LARP1B: variants seen among roughly 807,000 people sequenced by gnomAD.
The protein encoded by LARP1B is La ribonucleoprotein 1B.
A neutral mutation model predicts 114.2 loss-of-function variants in LARP1B; 76 were observed. The observed-to-expected ratio is 0.67, with a 90% CI of 0.55 to 0.81. The LOEUF (loss-of-function observed/expected upper bound fraction) is 0.81, where lower values mean the gene tolerates loss of function less well. Among genes scored for constraint, LARP1B ranks in the 30% least tolerant of loss-of-function variants. The pLI is 0.00. For missense variants in LARP1B, 1,014 were observed against 1,075.8 expected (o/e 0.94, Z 0.80); for synonymous variants, 345 against 348.0 (o/e 0.99, Z 0.10).
intron 15 of LARP1B, among the ~76,000 whole-genome samples, chr4:128,181,180 C>CTTTTTTTTT (rs70966086): frequency 3.1e-5 from 4 of 130,002 alleles, no homozygotes; most frequent in Non-Finnish European, 1.7e-5. Flanking sequence ...CTCATCCATT[C>CTTTTTTTTT]TTTTTTTTTT....
At chr4:128,107,931 T>C in intron 9 of LARP1B, 1 of 1,535,830 alleles carries the variant, frequency 6.5e-7, no homozygotes, top group Non-Finnish European at 8.7e-7. Flanking sequence ...GATCGGAATA[T>C]GCAGTGGAAT....
At position 128,200,606 on chromosome 4, in the gene LARP1B, T is replaced by TA; in HGVS notation, c.2257dup (p.Met753AsnfsTer3). 1 of 1,594,970 alleles carries TA rather than the reference T, an allele frequency of 6.3e-7. No individual in the cohort carries two copies. The highest frequency in any genetic ancestry group is 8.5e-7 in the Non-Finnish European group (1 of 1,170,956). ...CCTTTTTCCTCAGAGATCACTTCAA[T>TA]AAAAAAATGTATGAGGAATTTAGAC... On this transcript the variant is annotated frameshift_variant, in exon 17 of 20. Transcript: ENST00000326639. LOFTEE classifies it high-confidence loss of function.
intron 4 of LARP1B, among the ~76,000 whole-genome samples, chr4:128,079,036 A>T (rs937979098): frequency 4.6e-5 from 7 of 152,096 alleles, no homozygotes; most frequent in Non-Finnish European, 2.9e-5. Context: ...GTTGTTGCCA[A>T]CTTCTTTAAC....
chr4:128,107,323 TTTC>T lies in LARP1B; in HGVS notation c.988+15_988+17del. The stretch of plus-strand genomic sequence containing the variant: ...TTTTGCTCACATACAGGTAACATCT[TTTC>T]TTCTAGAGCAAACGATGTAACAGTG... On this transcript the variant is annotated intron_variant, in intron 9 of 19. Coordinates refer to ENST00000326639, the MANE Select transcript of LARP1B (RefSeq NM_018078.4). 6 of 1,613,806 alleles carry T rather than the reference TTTC, an allele frequency of 3.7e-6. No homozygotes were observed. Among genetic ancestry groups the T allele is most frequent in the Non-Finnish European group, 5.1e-6 (6 of 1,179,854 alleles).
At chr4:128,109,760 A>G (rs1037814967) in intron 9 of LARP1B, among the ~76,000 whole-genome samples, 3 of 151,934 alleles carry the variant, frequency 2.0e-5, no homozygotes, top group African/African-American at 4.8e-5. Flanking sequence ...AAAATTTTAA[A>G]AAGTGCCACA....
intron 10 of LARP1B, among the ~76,000 whole-genome samples, chr4:128,118,082 ATTTTTTTTTTTT>A (rs34699544): frequency 1.3e-4 from 10 of 76,748 alleles, no homozygotes; most frequent in African/African-American, 4.4e-4. Flanking sequence ...GGCCCGGCTA[ATTTTTTTTTTTT>A]TTTTTTTTTT....
At position 128,082,306 on chromosome 4, in the gene LARP1B, G is replaced by T. The variant is rs1281048021; in HGVS notation, c.358+1G>T. 6.2e-7 allele frequency: 1 copy of T among 1,613,050 alleles called. No homozygotes were observed. Among genetic ancestry groups the T allele is most frequent in the East Asian group, 2.2e-5 (1 of 44,850 alleles). On this transcript the variant is annotated splice_donor_variant, in intron 5 of 19. Transcript: ENST00000326639. LOFTEE classifies it high-confidence loss of function. Reference sequence around the variant, plus strand: ...AACAATAGGAGAAATGATACACGAAGTAAGTTACCATTCTAAGACAAAAAT... The same window carrying T: ...AACAATAGGAGAAATGATACACGAATTAAGTTACCATTCTAAGACAAAAAT...
At chr4:128,075,547 C>CT (rs1160065059) in intron 3 of LARP1B, among the ~76,000 whole-genome samples, 151 of 144,678 alleles carry the variant, frequency 1.0e-3, no homozygotes, top group East Asian at 4.6e-3. Flanking sequence ...TCTTTCTTTT[C>CT]TTTTTTTTTT....
At chr4:128,197,280 G>A (rs1023515386) in intron 15 of LARP1B, among the ~76,000 whole-genome samples, 1 of 152,166 alleles carries the variant, frequency 6.6e-6, no homozygotes, top group Admixed American at 6.5e-5. Flanking sequence ...AAGTCTTTAA[G>A]TATTGGTTGT....
At chr4:128,067,243 T>C (rs1763352692) in intron 1 of LARP1B, among the ~76,000 whole-genome samples, 1 of 152,186 alleles carries the variant, frequency 6.6e-6, no homozygotes, top group Non-Finnish European at 1.5e-5. Context: ...CTATATAAAT[T>C]GTATAATTCT....
intron 1 of LARP1B, among the ~76,000 whole-genome samples, chr4:128,063,353 G>T (rs1247753816): frequency 6.8e-6 from 1 of 147,352 alleles, no homozygotes. Context: ...GCTTGAACCC[G>T]GGAGGTGGAG....
chr4:128,207,347 C>A lies in LARP1B; in HGVS notation c.2511C>A (p.Leu837=). The stretch of plus-strand genomic sequence containing the variant: ...TTGACCCAAAACTTCAGGAATACCT[C>A]TGTAGTTTTAAGAGGTTAGAAGACT... The part of the protein sequence containing the change: ...QSIDPKLQEY[L]CSFKRLEDFR... The change falls in exon 19 of 20, where the codon CTC becomes CTA. Residue 837 remains leucine (L), a synonymous_variant. Coordinates refer to ENST00000326639, the MANE Select transcript of LARP1B (RefSeq NM_018078.4). The A allele has an allele frequency of 6.4e-7, 1 of 1,552,228 alleles. No homozygotes were observed.
chr4:128,085,353 CTTTTTTTTT>C (rs35260726), intron 5 of LARP1B, among the ~76,000 whole-genome samples: 2 of 85,846 alleles, frequency 2.3e-5, no homozygotes, highest in Non-Finnish European at 4.2e-5. Flanking sequence ...CCTTAGCTTC[CTTTTTTTTT>C]TTTTTTTTTT....
At chr4:128,080,882 CT>C (rs1402156465) in intron 4 of LARP1B, among the ~76,000 whole-genome samples, 3 of 151,970 alleles carry the variant, frequency 2.0e-5, no homozygotes, top group Admixed American at 2.0e-4. Flanking sequence ...TGTAAAAATC[CT>C]GGGTAAATTA....
intron 8 of LARP1B, among the ~76,000 whole-genome samples, chr4:128,106,236 A>G (rs558017761): frequency 8.3e-4 from 127 of 152,112 alleles, no homozygotes; most frequent in Non-Finnish European, 1.4e-3. Context: ...ATTGGCCAAG[A>G]TGGTCTCAAT....
chr4:128,150,277 A>C (rs762582035), intron 11 of LARP1B, among the ~76,000 whole-genome samples: 12 of 149,834 alleles, frequency 8.0e-5, no homozygotes, highest in Non-Finnish European at 1.0e-4. Context: ...TCTCAACTAT[A>C]GCTTTAATTT....
chr4:128,220,481 G>T (rs1162851169), intron 7 of LARP1B: 2 of 239,052 alleles, frequency 8.4e-6, no homozygotes, highest in Admixed American at 6.5e-5. Context: ...ACTCCATCTT[G>T]TGGTGATATC....
intron 6 of LARP1B, 58 bp from the exon 7 acceptor site, chr4:128,091,289 G>C (rs891681589): frequency 6.6e-7 from 1 of 1,522,212 alleles, no homozygotes; most frequent in East Asian, 2.3e-5. Flanking sequence ...CACTTTATCC[G>C]TAGTAACTAT....
chr4:128,193,102 G>A (rs1752804708), intron 15 of LARP1B, among the ~76,000 whole-genome samples: 1 of 152,106 alleles, frequency 6.6e-6, no homozygotes, highest in East Asian at 1.9e-4. Context: ...CCAAGGTGTT[G>A]GGATTACCGT....
Sources: gnomAD v4.1 joint callset for allele counts (sites outside exome capture counted in the v4.1 genomes callset) on GRCh38, gnomAD v4.1.1 for gene constraint, MANE v1.5 for transcripts, NCBI Gene and HGNC (gene_info 2026-07-23, HGNC 2026-07-21) for gene names.